Variants in PCDH15 observed in about 807,000 individuals in gnomAD.
PCDH15 encodes protocadherin related 15.
PCDH15 carries 129 observed loss-of-function variants against 178.5 expected under a neutral mutation model. That is an observed-to-expected ratio of 0.72 (90% CI 0.63 to 0.84). PCDH15 has a LOEUF of 0.84. PCDH15 is among the 40% of genes least tolerant of loss of function. PCDH15 has a pLI of 0.00. For synonymous variants in PCDH15, 800 were observed against 732.0 expected (o/e 1.09, Z -1.50); for missense variants, 2,230 against 2,099.9 (o/e 1.06, Z -1.21).
At position 54,132,963 on chromosome 10, in the gene PCDH15, T is replaced by C; in HGVS notation, c.1829A>G (p.Asn610Ser). The C allele has an allele frequency of 1.2e-6, 2 of 1,614,100 alleles. No homozygotes were observed. The highest frequency in any genetic ancestry group is 1.7e-6 in the Non-Finnish European group (2 of 1,179,992). ...CTGTGGGAAGCGAGGAGGGCTTTGA[T>C]TATTTGGTGGAAGCACTTCAATATA... ...TVYIEVLPPN[N>S]QSPPRFPQLM... is the part of the protein sequence containing the mutation. Residue 610 changes from asparagine to serine, a missense_variant, in exon 15 of 38, where the codon AAT becomes AGT. Transcript: ENST00000644397.
At position 54,817,347 on chromosome 10, in the gene PCDH15, A is replaced by AT. The variant is rs1952964625; in HGVS notation, c.-29+80102_-29+80103insA. ...ATGTTATTTTAGAAATGAGGAAATT[A>AT]AGGTTGAATTATTCTAAGTTAATTT... On this transcript the variant is annotated intron_variant, in intron 3 of 5. Transcript: ENST00000458638. 7.9e-5 allele frequency among the ~76,000 whole-genome samples: 12 copies of AT among 152,122 alleles called. No individual in the cohort carries two copies. The South Asian group carries it at 2.5e-3, about 31-fold the overall frequency.
intron 1 of PCDH15, among the ~76,000 whole-genome samples, chr10:54,697,515 G>GTGTA (rs1555156234): frequency 1.4e-5 from 2 of 143,056 alleles, no homozygotes; most frequent in Non-Finnish European, 3.0e-5. Flanking sequence ...TGAAATGTGT[G>GTGTA]TATATATATA....
chr10:55,362,990 A>G (rs1408698436), intron 2 of PCDH15, among the ~76,000 whole-genome samples: 2 of 152,184 alleles, frequency 1.3e-5, no homozygotes, highest in African/African-American at 4.8e-5. Flanking sequence ...ATAATGTTTT[A>G]AGAAAGTTTA....
chr10:54,374,763 G>A (rs755441023), intron 4 of PCDH15, among the ~76,000 whole-genome samples: 25 of 151,884 alleles, frequency 1.6e-4, no homozygotes, highest in Non-Finnish European at 2.5e-4. Flanking sequence ...TATAAACCAA[G>A]TTTTAAAATT....
At chr10:55,582,334 C>T (rs1043610919) in intron 2 of PCDH15, among the ~76,000 whole-genome samples, 4 of 152,016 alleles carry the variant, frequency 2.6e-5, no homozygotes, top group African/African-American at 7.2e-5. Context: ...GCAATTTATC[C>T]TCCTGAGCAT....
At chr10:53,988,638 A>G (rs1312833758) in intron 21 of PCDH15, among the ~76,000 whole-genome samples, 1 of 151,998 alleles carries the variant, frequency 6.6e-6, no homozygotes, top group African/African-American at 2.4e-5. Flanking sequence ...AAGCCAAGAT[A>G]CCCTTTCAGA....
chr10:54,301,810 C>T lies in PCDH15; in HGVS notation c.876+15461G>A, dbSNP rs373123229. On this transcript the variant is annotated intron_variant, in intron 8 of 37. Transcript: ENST00000644397. ...GTAATTGAGAGGGGAGAATTCATTGCCTCAATGGTTACACATGTAACACTT... is the reference window on the plus strand; with the variant it reads ...GTAATTGAGAGGGGAGAATTCATTGTCTCAATGGTTACACATGTAACACTT... Among the ~76,000 whole-genome samples the T allele has an allele frequency of 1.6e-3, 240 of 152,268 alleles. 1 individual carries two copies. Among genetic ancestry groups the T allele is most frequent in the African/African-American group, 3.5e-3 (145 of 41,546 alleles).
intron 2 of PCDH15, among the ~76,000 whole-genome samples, chr10:54,580,246 G>A (rs1309076208): frequency 6.6e-6 from 1 of 151,952 alleles, no homozygotes; most frequent in Non-Finnish European, 1.5e-5. Flanking sequence ...AAACAAAAAA[G>A]AGAAGATCCA....
At chr10:54,483,466 T>G (rs1229947405) in intron 3 of PCDH15, among the ~76,000 whole-genome samples, 1 of 151,896 alleles carries the variant, frequency 6.6e-6, no homozygotes, top group Non-Finnish European at 1.5e-5. Flanking sequence ...TTTAGGAATC[T>G]TCCATTAGAT....
In PCDH15 at chr10:54,047,698, C is replaced by A. The variant is rs1242387588; in HGVS notation, c.2220+19059G>T. Among the ~76,000 whole-genome samples the A allele has an allele frequency of 2.0e-5, 3 of 152,056 alleles. No homozygotes were observed. In the East Asian group the frequency reaches 5.8e-4, roughly 29 times the overall value. Reference sequence around the variant, plus strand: ...GGTTTTCTGTCCCTGCATTAATGTACTTAAAATAATGGTCTCCAGCTGTAT... The same window carrying A: ...GGTTTTCTGTCCCTGCATTAATGTAATTAAAATAATGGTCTCCAGCTGTAT... On this transcript the variant is annotated intron_variant, in intron 18 of 37. Transcript: ENST00000644397.
intron 2 of PCDH15, among the ~76,000 whole-genome samples, chr10:55,564,055 T>C (rs1842252583): frequency 6.6e-6 from 1 of 152,006 alleles, no homozygotes; most frequent in African/African-American, 2.4e-5. Flanking sequence ...TGTAACTTCA[T>C]TTTTTATTTT....
At chr10:53,852,995 TA>T (rs1370876626) in intron 28 of PCDH15, among the ~76,000 whole-genome samples, 4 of 151,984 alleles carry the variant, frequency 2.6e-5, no homozygotes, top group African/African-American at 7.3e-5. Context: ...CAGACATGGA[TA>T]GGGGGAGCAC....
intron 2 of PCDH15, among the ~76,000 whole-genome samples, chr10:55,159,262 A>G (rs1317780993): frequency 1.3e-5 from 2 of 151,708 alleles, no homozygotes; most frequent in African/African-American, 4.8e-5. Context: ...CACATCCTAG[A>G]CTGATAAATC....
At chr10:54,209,480 C>T (rs74135799) in intron 10 of PCDH15, among the ~76,000 whole-genome samples, 2,672 of 151,932 alleles carry the variant, frequency 0.018, 77 homozygotes, top group African/African-American at 0.061. Context: ...TGGGAACATA[C>T]GAGAGAAGAG....
chr10:53,808,779 A>G lies in PCDH15; in HGVS notation c.4672-1649T>C, dbSNP rs765058181. 3 of 1,612,214 alleles carry G rather than the reference A, an allele frequency of 1.9e-6. No homozygotes were observed. The South Asian group carries it at 3.3e-5, about 18-fold the overall frequency. ...TGCTTCTGTCATACGCTGGTACCTG[A>G]TAGCCCCATGGACCTCCAGACTGAC... On this transcript the variant is annotated intron_variant, in intron 37 of 37. Coordinates refer to ENST00000644397, the MANE Select transcript of PCDH15 (RefSeq NM_001384140.1).
At chr10:54,073,594 A>C (rs984050492) in intron 17 of PCDH15, among the ~76,000 whole-genome samples, 32 of 152,330 alleles carry the variant, frequency 2.1e-4, no homozygotes, top group African/African-American at 7.7e-4. Flanking sequence ...GTCTTCTAGC[A>C]ATCTGAAATT....
intron 5 of PCDH15, among the ~76,000 whole-genome samples, chr10:54,365,803 T>G (rs1436179675): frequency 2.0e-5 from 3 of 152,162 alleles, no homozygotes; most frequent in Non-Finnish European, 4.4e-5. Context: ...TATGTCTTGC[T>G]CATGAGAAAG....
intron 3 of PCDH15, among the ~76,000 whole-genome samples, chr10:54,845,904 C>G (rs1171670118): frequency 6.6e-6 from 1 of 151,994 alleles, no homozygotes; most frequent in Non-Finnish European, 1.5e-5. Flanking sequence ...TGCCTATGAA[C>G]CAGGTAAATA....
In PCDH15 at chr10:53,982,643, G is replaced by C. The variant is rs942086030; in HGVS notation, c.2868+13006C>G. 4.9e-5 allele frequency among the ~76,000 whole-genome samples: 7 copies of C among 141,764 alleles called. No homozygotes were observed. The South Asian group carries it at 1.6e-3, about 33-fold the overall frequency. The allele number at this position is 141,764 out of a possible 152,430, so 93.0% of individuals were successfully genotyped here. A position where few individuals can be genotyped will look rare whatever the true frequency, so the allele number is the denominator to read the frequency against. ...AATGAGAACACATGGACACAGGAAGGGGAACATCACACTCTGGGGACTGTT... is the reference window on the plus strand; with the variant it reads ...AATGAGAACACATGGACACAGGAAGCGGAACATCACACTCTGGGGACTGTT... On this transcript the variant is annotated intron_variant, in intron 21 of 37. Transcript: ENST00000644397.
Sources: gnomAD v4.1 joint callset for allele counts (sites outside exome capture counted in the v4.1 genomes callset) on GRCh38, gnomAD v4.1.1 for gene constraint, MANE v1.5 for transcripts, NCBI Gene and HGNC (gene_info 2026-07-23, HGNC 2026-07-21) for gene names.